The following SYCE1L variants were observed in gnomAD, a reference collection of about 807,000 sequenced individuals.
SYCE1L encodes synaptonemal complex central element protein 1-like.
Under a neutral mutation model 39.6 loss-of-function variants are expected in SYCE1L, and 51 were observed. That is an observed-to-expected ratio of 1.29 (90% CI 1.03 to 1.63). The LOEUF (loss-of-function observed/expected upper bound fraction) is 1.63, where lower values mean the gene tolerates loss of function less well. SYCE1L is among the 40% of genes most tolerant of loss of function. The pLI is 0.00. For synonymous variants in SYCE1L, 147 were observed against 122.4 expected, an observed-to-expected ratio of 1.20 and a Z score of -1.33; for missense variants, 426 against 304.9, an observed-to-expected ratio of 1.40 and a Z score of -2.96.
chr16:77,202,400 C>T (rs1038086854), intron 1 of SYCE1L: 3 of 152,160 alleles, frequency 2.0e-5, no homozygotes, highest in Admixed American at 6.5e-5. Context: ...TAAAAGGGTG[C>T]TCTTACTGTG....
At chr16:77,210,446 C>A (rs571625770) in intron 6 of SYCE1L, among the ~76,000 whole-genome samples, 3 of 152,310 alleles carry the variant, frequency 2.0e-5, no homozygotes, top group African/African-American at 7.2e-5. Context: ...ATGTGTGATA[C>A]TCAACCACAC....
Position 77,199,517 on chromosome 16 carries a change from T to G in SYCE1L, c.61+5T>G. 1 of 1,550,562 alleles carries G rather than the reference T, an allele frequency of 6.4e-7. No homozygotes were observed. The highest frequency in any genetic ancestry group is 2.4e-5 in the East Asian group (1 of 40,910). ...AAGCTACTGAGGAGGCTGAAGGTAG[T>G]GAGGGCAAGTGGGCTGCACTCCTTT... On this transcript the variant is annotated splice_donor_5th_base_variant and intron_variant, in intron 1 of 10. Coordinates refer to ENST00000378644, the MANE Select transcript of SYCE1L (RefSeq NM_001129979.3).
At chr16:77,201,092 CTGTT>C (rs2054737591) in intron 1 of SYCE1L, 1 of 152,188 alleles carries the variant, frequency 6.6e-6, no homozygotes, top group Non-Finnish European at 1.5e-5. Flanking sequence ...AGAACAGAGA[CTGTT>C]TACCTCTCGC....
chr16:77,207,330 G>C (rs1207968292), intron 2 of SYCE1L, among the ~76,000 whole-genome samples: 1 of 152,218 alleles, frequency 6.6e-6, no homozygotes, highest in East Asian at 1.9e-4. Context: ...GGGTTGGACA[G>C]CTTTTTGCCC....
intron 10 of SYCE1L, 94 bp from the exon 11 acceptor site, chr16:77,212,763 G>A (rs2054834735): frequency 7.0e-7 from 1 of 1,420,264 alleles, no homozygotes; most frequent in Non-Finnish European, 9.2e-7. Flanking sequence ...GCGGCCCCGG[G>A]GACAGAGGAA....
At chr16:77,209,021 C>T in intron 4 of SYCE1L, 76 bp from the exon 5 acceptor site, 1 of 1,484,772 alleles carries the variant, frequency 6.7e-7, no homozygotes, top group Non-Finnish European at 9.2e-7. Context: ...TTCTGTGTGG[C>T]TTTCCCCTTA....
At chr16:77,211,794 G>C (rs2054824426) in intron 7 of SYCE1L, among the ~76,000 whole-genome samples, 1 of 152,188 alleles carries the variant, frequency 6.6e-6, no homozygotes. Context: ...AGAGGTGAAG[G>C]AAGTGAGGGA....
chr16:77,212,395 G>A (rs1363878251), intron 9 of SYCE1L, 26 bp downstream of exon 9: 1 of 1,526,336 alleles, frequency 6.6e-7, no homozygotes, highest in Non-Finnish European at 8.8e-7. Context: ...AGGAGTGGGC[G>A]AGGAGGGCAG....
Position 77,213,147 on chromosome 16 carries a change from A to G in SYCE1L, c.*216A>G. The G allele has an allele frequency of 2.4e-6, 1 of 424,984 alleles. No homozygotes were observed. Among genetic ancestry groups the G allele is most frequent in the Non-Finnish European group, 4.1e-6 (1 of 242,960 alleles). 26.3% of individuals were successfully genotyped at this position (424,984 alleles called of 1,614,324 possible). A position where few individuals can be genotyped will look rare whatever the true frequency, so the allele number is the denominator to read the frequency against. On this transcript the variant is annotated 3_prime_UTR_variant, in exon 11 of 11. Transcript: ENST00000378644. ...AGGCTGGGTAAATGCTCCTGAACTC[A>G]GAGAGAGTAAGTGGGTGTCAGTATC...
rs75649697 is a variant in SYCE1L, at chr16:77,208,670, T to G, written c.256+131T>G. On this transcript the variant is annotated intron_variant, in intron 4 of 10. Transcript: ENST00000378644. ...ATAATCTGTATTGCCTTTCACTGTC[T>G]CATGTCATCTTTCAGCTCTCAGCTC... 3,684 of 884,428 alleles carry G rather than the reference T, an allele frequency of 4.2e-3. 89 individuals are homozygous for G. In the African/African-American group the frequency reaches 0.057, roughly 14 times the overall value. The allele number at this position is 884,428 out of a possible 1,614,324, so 54.8% of individuals were successfully genotyped here. A position where few individuals can be genotyped will look rare whatever the true frequency, so the allele number is the denominator to read the frequency against.
chr16:77,208,344 A>T, intron 3 of SYCE1L, 75 bp downstream of exon 3: 20 of 1,539,356 alleles, frequency 1.3e-5, no homozygotes, highest in Non-Finnish European at 1.7e-5. Flanking sequence ...CCACCTCCTC[A>T]TCTATAAAAT....
intron 1 of SYCE1L, chr16:77,201,824 A>G (rs1023218559): frequency 2.6e-5 from 4 of 152,220 alleles, no homozygotes; most frequent in African/African-American, 9.6e-5. Context: ...TTAAAATTAA[A>G]TTATAAGTTG....
intron 1 of SYCE1L, among the ~76,000 whole-genome samples, chr16:77,202,598 G>T (rs1597381803): frequency 6.6e-6 from 1 of 152,182 alleles, no homozygotes; most frequent in East Asian, 1.9e-4. Context: ...AAAAGATGTG[G>T]AGACAATTGG....
chr16:77,199,523 C>G lies in SYCE1L; in HGVS notation c.61+11C>G, dbSNP rs1398320575. On this transcript the variant is annotated intron_variant, in intron 1 of 10. Coordinates refer to ENST00000378644, the MANE Select transcript of SYCE1L (RefSeq NM_001129979.3). ...CTGAGGAGGCTGAAGGTAGTGAGGG[C>G]AAGTGGGCTGCACTCCTTTCTCTCC... The G allele has an allele frequency of 4.5e-6, 7 of 1,549,248 alleles. No individual in the cohort carries two copies. Among genetic ancestry groups the G allele is most frequent in the Non-Finnish European group, 6.1e-6 (7 of 1,145,142 alleles).
chr16:77,206,842 C>T (rs1237555132), intron 2 of SYCE1L, among the ~76,000 whole-genome samples: 1 of 151,756 alleles, frequency 6.6e-6, no homozygotes, highest in African/African-American at 2.4e-5. Context: ...TATTTTTTGT[C>T]CTCCCTTTTT....
chr16:77,207,932 C>G (rs1343652103), intron 2 of SYCE1L, among the ~76,000 whole-genome samples: 1 of 152,164 alleles, frequency 6.6e-6, no homozygotes, highest in Non-Finnish European at 1.5e-5. Context: ...TATCCCCAGA[C>G]ATGCCTTTTA....
chr16:77,206,516 G>T lies in SYCE1L; in HGVS notation c.121+16G>T, dbSNP rs1168350180. On this transcript the variant is annotated intron_variant, in intron 2 of 10. Transcript: ENST00000378644. ...CTGCAGAAAGGTCATGTGTCTCTTTGTTTCTGAGCCTCAGCCTGGGGTTTC... is the reference window on the plus strand; with the variant it reads ...CTGCAGAAAGGTCATGTGTCTCTTTTTTTCTGAGCCTCAGCCTGGGGTTTC... The T allele has an allele frequency of 6.4e-7, 1 of 1,551,502 alleles. No individual in the cohort carries two copies. Among genetic ancestry groups the T allele is most frequent in the Admixed American group, 2.0e-5 (1 of 50,972 alleles).
chr16:77,208,153 T>C (rs1185800290), intron 2 of SYCE1L, 57 bp from the exon 3 acceptor site: 1 of 1,510,024 alleles, frequency 6.6e-7, no homozygotes, highest in African/African-American at 1.4e-5. Flanking sequence ...TCCGTCTGCC[T>C]TGGACAGCCA....
intron 1 of SYCE1L, among the ~76,000 whole-genome samples, chr16:77,204,429 A>T (rs936250353): frequency 6.6e-6 from 1 of 152,196 alleles, no homozygotes; most frequent in African/African-American, 2.4e-5. Flanking sequence ...TGGTGTCCTT[A>T]TAAGTAGAGG....
Sources: gnomAD v4.1 joint callset for allele counts (sites outside exome capture counted in the v4.1 genomes callset) on GRCh38, gnomAD v4.1.1 for gene constraint, MANE v1.5 for transcripts, NCBI Gene and HGNC (gene_info 2026-07-23, HGNC 2026-07-21) for gene names.